Variants in GRID2 observed in about 807,000 individuals in gnomAD.
GRID2 encodes glutamate ionotropic receptor delta type subunit 2.
A neutral mutation model predicts 114.8 loss-of-function variants in GRID2; 33 were observed. The ratio of observed to expected loss-of-function variants is 0.29; its 90% CI spans 0.22 to 0.38. GRID2 has a LOEUF of 0.38. GRID2 is among the 10% of genes least tolerant of loss of function. The pLI is 1.00. For synonymous variants in GRID2, 505 were observed against 449.9 expected (o/e 1.12, Z -1.55); for missense variants, 1,184 against 1,257.7 (o/e 0.94, Z 0.89).
chr4:92,738,967 A>G (rs1736735169), intron 2 of GRID2, among the ~76,000 whole-genome samples: 1 of 152,124 alleles, frequency 6.6e-6, no homozygotes, highest in Non-Finnish European at 1.5e-5. Flanking sequence ...AACACACAGT[A>G]TGATTTTCTT....
intron 2 of GRID2, among the ~76,000 whole-genome samples, chr4:92,966,077 G>T (rs760445882): frequency 2.0e-5 from 3 of 151,892 alleles, no homozygotes; most frequent in Non-Finnish European, 4.4e-5. Context: ...TTTGTGATAT[G>T]AATCTGTATC....
At chr4:92,490,339 T>C (rs1723092130) in intron 1 of GRID2, among the ~76,000 whole-genome samples, 1 of 152,214 alleles carries the variant, frequency 6.6e-6, no homozygotes, top group African/African-American at 2.4e-5. Context: ...CTTTATTGAT[T>C]TGTAAAACCT....
intron 11 of GRID2, among the ~76,000 whole-genome samples, chr4:93,485,373 T>C (rs530008426): frequency 1.4e-4 from 22 of 151,896 alleles, no homozygotes; most frequent in African/African-American, 5.1e-4. Context: ...TTTTTAACTA[T>C]GAAGTATTAT....
chr4:93,425,116 C>T (rs1162445418), intron 10 of GRID2, among the ~76,000 whole-genome samples: 1 of 152,044 alleles, frequency 6.6e-6, no homozygotes, highest in Non-Finnish European at 1.5e-5. Flanking sequence ...TCTTTAAAGT[C>T]CTTGTTTGCT....
At chr4:93,807,542 G>A (rs1735055881) in exon 2 of GRID2, 1 of 152,114 alleles carries the variant, frequency 6.6e-6, no homozygotes, top group Admixed American at 6.5e-5. Flanking sequence ...CCTGGCTAAT[G>A]TAGAGCCTCC....
At chr4:92,559,181 A>G (rs1727001631) in intron 1 of GRID2, among the ~76,000 whole-genome samples, 1 of 152,206 alleles carries the variant, frequency 6.6e-6, no homozygotes. Flanking sequence ...ACACTTTCAT[A>G]GTTATGTAAC....
chr4:93,669,198 A>T (rs1724194121), intron 14 of GRID2, among the ~76,000 whole-genome samples: 1 of 152,052 alleles, frequency 6.6e-6, no homozygotes, highest in Non-Finnish European at 1.5e-5. Flanking sequence ...CCTCTGAGTT[A>T]ATGTGGGGTC....
intron 13 of GRID2, among the ~76,000 whole-genome samples, chr4:93,544,781 AAAAAAAAAAAGAAAAAAAG>A (rs1733042815): frequency 6.7e-6 from 1 of 149,554 alleles, no homozygotes; most frequent in Non-Finnish European, 1.5e-5. Context: ...CCCTCTGGAA[AAAAAAAAAAAGAAAAAAAG>A]AAAAAAAAAG....
chr4:92,899,519 G>A (rs1232281982), intron 2 of GRID2, among the ~76,000 whole-genome samples: 1 of 152,102 alleles, frequency 6.6e-6, no homozygotes, highest in Non-Finnish European at 1.5e-5. Context: ...TATTCAACAG[G>A]ACTTGGTATT....
chr4:92,539,399 GTATTAAAA>G (rs1725817404), intron 1 of GRID2, among the ~76,000 whole-genome samples: 1 of 151,876 alleles, frequency 6.6e-6, no homozygotes, highest in Non-Finnish European at 1.5e-5. Context: ...GCATTTATTT[GTATTAAAA>G]TATTTTTTCA....
At chr4:92,532,535 C>A (rs1272644166) in intron 1 of GRID2, among the ~76,000 whole-genome samples, 1 of 152,062 alleles carries the variant, frequency 6.6e-6, no homozygotes, top group Admixed American at 6.6e-5. Context: ...GTCCCTTTTA[C>A]AGCACAAGTC....
At chr4:92,329,799 G>A (rs1441380817) in intron 1 of GRID2, among the ~76,000 whole-genome samples, 1 of 151,958 alleles carries the variant, frequency 6.6e-6, no homozygotes, top group Admixed American at 6.6e-5. Context: ...GCAAAATGGG[G>A]TAGAGAGTGA....
intron 1 of GRID2, among the ~76,000 whole-genome samples, chr4:92,414,313 A>C (rs1047435920): frequency 1.3e-5 from 2 of 152,198 alleles, no homozygotes; most frequent in Non-Finnish European, 2.9e-5. Context: ...ATGAGGCTGG[A>C]TGCACAGAAT....
At chr4:93,352,432 A>G (rs1039624090) in intron 8 of GRID2, among the ~76,000 whole-genome samples, 1 of 152,062 alleles carries the variant, frequency 6.6e-6, no homozygotes, top group African/African-American at 2.4e-5. Context: ...AGAAACAGCT[A>G]CATGTGAAAA....
In GRID2 at chr4:92,777,475, G is replaced by A. The variant is rs75786058; in HGVS notation, c.244+187189G>A. Among the ~76,000 whole-genome samples, 518 of 152,112 alleles carry A rather than the reference G, an allele frequency of 3.4e-3. 3 individuals carry two copies. Among genetic ancestry groups the A allele is most frequent in the African/African-American group, 0.012 (488 of 41,518 alleles). ...AGGGAAATAAGAAATCCTTAGCAAA[G>A]TACTCAAGGATCTGATACTACTACT... On this transcript the variant is annotated intron_variant, in intron 2 of 15. Coordinates refer to ENST00000282020, the MANE Select transcript of GRID2 (RefSeq NM_001510.4).
intron 4 of GRID2, among the ~76,000 whole-genome samples, chr4:93,200,438 C>A (rs1358818727): frequency 2.0e-5 from 3 of 151,872 alleles, no homozygotes; most frequent in Non-Finnish European, 4.4e-5. Flanking sequence ...TGGTAGCGGG[C>A]GCCTGTAGTC....
At chr4:93,652,176 G>A in intron 14 of GRID2, among the ~76,000 whole-genome samples, 1 of 152,070 alleles carries the variant, frequency 6.6e-6, no homozygotes. Flanking sequence ...TATCTAATAT[G>A]ACTTGTGTCT....
At chr4:92,536,124 G>C (rs115647264) in intron 1 of GRID2, among the ~76,000 whole-genome samples, 1 of 152,162 alleles carries the variant, frequency 6.6e-6, no homozygotes, top group East Asian at 1.9e-4. Flanking sequence ...TGCTTGCGCC[G>C]GTGGCCTGCT....
At chr4:93,595,200 C>G (rs879534594) in intron 13 of GRID2, among the ~76,000 whole-genome samples, 26 of 152,310 alleles carry the variant, frequency 1.7e-4, no homozygotes, top group Middle Eastern at 3.4e-3. Context: ...TGTAATATCC[C>G]TTTCTTCAAT....
Sources: allele counts gnomAD v4.1 joint callset (sites outside exome capture counted in the v4.1 genomes callset), GRCh38; gene constraint gnomAD v4.1.1; transcripts MANE v1.5; gene names NCBI Gene and HGNC (gene_info 2026-07-23, HGNC 2026-07-21).